NXPE2: variants seen among roughly 807,000 people sequenced by gnomAD.
NXPE2 encodes neurexophilin and PC-esterase domain family member 2, also known as NXPE family member 2.
Under a neutral mutation model 34.4 loss-of-function variants are expected in NXPE2, and 34 were observed. That is an observed-to-expected ratio of 0.99 (90% CI 0.75 to 1.31). NXPE2 has a LOEUF of 1.31. NXPE2 is among the 40% of genes most tolerant of loss of function. The probability of loss-of-function intolerance (pLI) is 0.00; values close to 1 mark genes in which losing one functional copy is unlikely to be tolerated. For missense variants in NXPE2, 649 were observed against 672.5 expected, an observed-to-expected ratio of 0.97 and a Z score of 0.39; for synonymous variants, 235 against 231.3, an observed-to-expected ratio of 1.02 and a Z score of -0.15.
intron 2 of NXPE2, among the ~76,000 whole-genome samples, chr11:114,695,964 G>A (rs1951244453): frequency 6.6e-6 from 1 of 152,018 alleles, no homozygotes; most frequent in African/African-American, 2.4e-5. Context: ...GTTGCAGTGA[G>A]CCGAGATTGT....
chr11:114,634,682 C>G, the NXPE2 span, among the ~76,000 whole-genome samples: 14 of 151,974 alleles, frequency 9.2e-5, 1 homozygote, highest in South Asian at 2.1e-4. Flanking sequence ...TTCTACATAT[C>G]GCTAGTTGGT....
the NXPE2 span, among the ~76,000 whole-genome samples, chr11:114,482,815 C>T: frequency 6.6e-6 from 1 of 152,288 alleles, no homozygotes; most frequent in Non-Finnish European, 1.5e-5. Context: ...TCATAAGAAG[C>T]TTTGTTCCCA....
the NXPE2 span, among the ~76,000 whole-genome samples, chr11:114,627,800 G>C: frequency 6.6e-6 from 1 of 151,842 alleles, no homozygotes; most frequent in East Asian, 1.9e-4. Context: ...ACACACATGG[G>C]CTCAAAATAA....
At chr11:114,643,884 C>G in the NXPE2 span, among the ~76,000 whole-genome samples, 1 of 152,032 alleles carries the variant, frequency 6.6e-6, no homozygotes, top group East Asian at 1.9e-4. Context: ...ATTAATTCTT[C>G]CTATTCATGA....
At chr11:114,768,314 C>A in the NXPE2 span, among the ~76,000 whole-genome samples, 3 of 152,228 alleles carry the variant, frequency 2.0e-5, no homozygotes, top group South Asian at 6.2e-4. Flanking sequence ...GTTACTGTGG[C>A]CTTGTAGTAT....
At chr11:114,528,718 T>C in the NXPE2 span, 3 of 535,030 alleles carry the variant, frequency 5.6e-6, no homozygotes, top group Non-Finnish European at 1.0e-5. Context: ...TATATGGCCA[T>C]GAAAGTGGAG....
At chr11:114,471,665 A>C in the NXPE2 span, among the ~76,000 whole-genome samples, 1,041 of 152,326 alleles carry the variant, frequency 6.8e-3, 15 homozygotes, top group African/African-American at 0.022. Flanking sequence ...TCAAGGCAGC[A>C]GAACAGCTGC....
At chr11:114,636,680 T>G in the NXPE2 span, among the ~76,000 whole-genome samples, 1 of 152,088 alleles carries the variant, frequency 6.6e-6, no homozygotes, top group South Asian at 2.1e-4. Context: ...TCTCATTGAT[T>G]TCAAAGAACA....
the NXPE2 span, among the ~76,000 whole-genome samples, chr11:114,749,935 G>A: frequency 6.6e-6 from 1 of 152,030 alleles, no homozygotes; most frequent in Non-Finnish European, 1.5e-5. Flanking sequence ...ACCCATGCCT[G>A]GCCACCCTCC....
At chr11:114,732,123 C>A in the NXPE2 span, among the ~76,000 whole-genome samples, 1 of 152,118 alleles carries the variant, frequency 6.6e-6, no homozygotes, top group African/African-American at 2.4e-5. Flanking sequence ...AATTTACATA[C>A]AATAAAATTT....
the NXPE2 span, among the ~76,000 whole-genome samples, chr11:114,811,673 G>C: frequency 6.6e-6 from 1 of 152,308 alleles, no homozygotes; most frequent in East Asian, 1.9e-4. Context: ...CCACACTCAA[G>C]GGTGCTGAGA....
the NXPE2 span, among the ~76,000 whole-genome samples, chr11:114,588,418 C>T: frequency 1.3e-5 from 2 of 152,270 alleles, no homozygotes; most frequent in South Asian, 2.1e-4. Context: ...GGTGTCTAAC[C>T]TCTCATGGAG....
At chr11:114,538,123 C>T in the NXPE2 span, among the ~76,000 whole-genome samples, 1 of 151,756 alleles carries the variant, frequency 6.6e-6, no homozygotes, top group African/African-American at 2.4e-5. Flanking sequence ...GAAATAATGC[C>T]ACATATCTAC....
the NXPE2 span, among the ~76,000 whole-genome samples, chr11:114,573,665 C>G: frequency 1.3e-5 from 2 of 151,884 alleles, no homozygotes; most frequent in South Asian, 4.2e-4. Flanking sequence ...AGGAAAATAC[C>G]ACAATTCTAA....
the NXPE2 span, among the ~76,000 whole-genome samples, chr11:114,591,251 A>G: frequency 6.6e-6 from 1 of 152,242 alleles, no homozygotes; most frequent in African/African-American, 2.4e-5. Flanking sequence ...AGCAAGGGAA[A>G]GGTAGCTAAC....
At chr11:114,770,490 G>A in the NXPE2 span, among the ~76,000 whole-genome samples, 4 of 152,214 alleles carry the variant, frequency 2.6e-5, no homozygotes, top group Admixed American at 1.3e-4. Context: ...ATCACTGTTG[G>A]GTACTGCTGA....
the NXPE2 span, among the ~76,000 whole-genome samples, chr11:114,487,153 A>G: frequency 6.6e-6 from 1 of 151,882 alleles, no homozygotes; most frequent in African/African-American, 2.4e-5. Flanking sequence ...TCCTTTTTGT[A>G]TGAAAAAAGT....
At chr11:114,550,091 T>A in the NXPE2 span, among the ~76,000 whole-genome samples, 1 of 152,232 alleles carries the variant, frequency 6.6e-6, no homozygotes, top group South Asian at 2.1e-4. Context: ...AAGGAAACCA[T>A]GTCCTTGGAT....
chr11:114,705,434 C>T (rs1448023818), intron 4 of NXPE2, among the ~76,000 whole-genome samples: 1 of 152,190 alleles, frequency 6.6e-6, no homozygotes, highest in East Asian at 1.9e-4. Context: ...TAATATTTGG[C>T]AGGGCCACTG....
Sources: allele counts gnomAD v4.1 joint callset (sites outside exome capture counted in the v4.1 genomes callset), GRCh38; gene constraint gnomAD v4.1.1; transcripts MANE v1.5; gene names NCBI Gene and HGNC (gene_info 2026-07-23, HGNC 2026-07-21).